The following PRMT2 variants were observed in gnomAD, a reference collection of about 807,000 sequenced individuals.
PRMT2 encodes protein arginine methyltransferase 2, also known as protein arginine N-methyltransferase 2.
PRMT2 carries 26 observed loss-of-function variants against 57.6 expected under a neutral mutation model. The observed-to-expected ratio is 0.45, with a 90% CI of 0.33 to 0.63. The LOEUF (loss-of-function observed/expected upper bound fraction) is 0.63. Among genes scored for constraint, PRMT2 ranks in the 20% least tolerant of loss-of-function variants. PRMT2 has a pLI of 0.02. For missense variants in PRMT2, 472 were observed against 564.4 expected (o/e 0.84, Z 1.66); for synonymous variants, 219 against 220.0 (o/e 1.00, Z 0.04).
In PRMT2 at chr21:46,661,831, G is replaced by T. The variant is rs2061628859; in HGVS notation, c.992G>T (p.Arg331Met). The T allele has an allele frequency of 6.7e-6, 10 of 1,493,602 alleles. No homozygotes were observed. Among genetic ancestry groups the T allele is most frequent in the Non-Finnish European group, 9.0e-6 (10 of 1,115,070 alleles). The allele number at this position is 1,493,602 out of a possible 1,614,324, so 92.5% of individuals were successfully genotyped here. A position where few individuals can be genotyped will look rare whatever the true frequency, so the allele number is the denominator to read the frequency against. The change falls in exon 10 of 12, where the codon AGG becomes ATG. Residue 331 changes from arginine to methionine, a missense_variant. Transcript: ENST00000355680. ...TLRGELRFDI[R>M]KAGTLHGFTA... ...AGGGGCGAGCTGCGCTTCGACATCA[G>T]GAAGGCGGGGACCCTGCACGGCTTC...
At chr21:46,660,809 A>G in intron 8 of PRMT2, 24 bp from the exon 9 acceptor site, 1 of 1,612,378 alleles carries the variant, frequency 6.2e-7, no homozygotes, top group Non-Finnish European at 8.5e-7. Context: ...GACTCTCAAC[A>G]GTCGCTTTGA....
At chr21:46,641,600 G>A (rs1307894322) in intron 3 of PRMT2, among the ~76,000 whole-genome samples, 2 of 152,172 alleles carry the variant, frequency 1.3e-5, no homozygotes, top group Non-Finnish European at 2.9e-5. Flanking sequence ...GCTGAGGCAT[G>A]CGAATTGCTT....
Position 46,648,941 on chromosome 21 carries a change from C to T in PRMT2, c.489+322C>T, listed in dbSNP as rs911381688. Among the ~76,000 whole-genome samples, 8 of 152,302 alleles carry T rather than the reference C, an allele frequency of 5.3e-5. No homozygotes were observed. In the East Asian group the frequency reaches 5.8e-4, roughly 11 times the overall value. Reference sequence around the variant, plus strand: ...TTTATTTCAGTTGAGTAGAGAAACACGTGCACCCACATGTCTGTGCTGGGC... The same window carrying T: ...TTTATTTCAGTTGAGTAGAGAAACATGTGCACCCACATGTCTGTGCTGGGC... On this transcript the variant is annotated intron_variant, in intron 6 of 11. Coordinates refer to ENST00000355680, the MANE Select transcript of PRMT2 (RefSeq NM_206962.4). The surrounding 1 kb of genome is among the most constrained non-coding windows in gnomAD (Gnocchi z 4.8).
chr21:46,662,970 G>A (rs115135857), intron 10 of PRMT2, among the ~76,000 whole-genome samples: 1,801 of 152,210 alleles, frequency 0.012, 20 homozygotes, highest in African/African-American at 0.041. Context: ...TTGCACAGCC[G>A]TCCTCCTGGC....
intron 10 of PRMT2, 42 bp from the exon 11 acceptor site, chr21:46,663,341 C>T (rs2061658866): frequency 3.8e-6 from 6 of 1,575,496 alleles, no homozygotes; most frequent in Non-Finnish European, 5.2e-6. Context: ...GTGGAGACTG[C>T]CCTAGCTCAG....
chr21:46,648,775 G>A lies in PRMT2; in HGVS notation c.489+156G>A, dbSNP rs746718548. 1.3e-5 allele frequency among the ~76,000 whole-genome samples: 2 copies of A among 152,172 alleles called. No individual in the cohort carries two copies. The highest frequency in any genetic ancestry group is 2.9e-5 in the Non-Finnish European group (2 of 68,030). On this transcript the variant is annotated intron_variant, in intron 6 of 11. Coordinates refer to ENST00000355680, the MANE Select transcript of PRMT2 (RefSeq NM_206962.4). The surrounding 1 kb of genome is among the most constrained non-coding windows in gnomAD (Gnocchi z 4.8). ...CACCCTGCACGTGGGGCTCAGGGTC[G>A]GTAAAATAGCAGTGCGTGGAGACCG...
intron 8 of PRMT2, 117 bp from the exon 9 acceptor site, chr21:46,660,715 GT>G: frequency 7.5e-7 from 1 of 1,335,810 alleles, no homozygotes; most frequent in Non-Finnish European, 1.0e-6. Context: ...GCCCCAGATA[GT>G]GGCTTAGCAT....
In PRMT2 at chr21:46,661,579, A is replaced by G. The variant is rs1005159049; in HGVS notation, c.961-221A>G. The G allele has an allele frequency of 3.2e-5, 12 of 370,374 alleles. No individual in the cohort carries two copies. The South Asian group carries it at 8.5e-4, about 26-fold the overall frequency. 22.9% of individuals were successfully genotyped at this position (370,374 alleles called of 1,614,324 possible). A position where few individuals can be genotyped will look rare whatever the true frequency, so the allele number is the denominator to read the frequency against. ...GAAAAGATTCCGCAGAATCTGGGGT[A>G]GAAAATTGGGCGCAAGAAGCTCAGA... On this transcript the variant is annotated intron_variant, in intron 9 of 11. Coordinates refer to ENST00000355680, the MANE Select transcript of PRMT2 (RefSeq NM_206962.4).
intron 8 of PRMT2, chr21:46,659,994 T>C (rs1485966684): frequency 1.0e-6 from 1 of 983,596 alleles, no homozygotes; most frequent in Non-Finnish European, 1.2e-6. Context: ...AAAATAAGTA[T>C]ATCACAATGC....
intron 3 of PRMT2, among the ~76,000 whole-genome samples, chr21:46,637,836 T>C (rs2061202586): frequency 6.6e-6 from 1 of 152,148 alleles, no homozygotes; most frequent in African/African-American, 2.4e-5. Flanking sequence ...GTGTCTGTAG[T>C]TCAGCTACTC....
At chr21:46,644,026 T>C (rs2148970805) in intron 4 of PRMT2, among the ~76,000 whole-genome samples, 1 of 152,364 alleles carries the variant, frequency 6.6e-6, no homozygotes, top group East Asian at 1.9e-4. Flanking sequence ...TGAGTTACAA[T>C]GAAGAGGCTG....
chr21:46,662,659 G>T (rs1179696024), intron 10 of PRMT2, among the ~76,000 whole-genome samples: 1 of 152,144 alleles, frequency 6.6e-6, no homozygotes, highest in African/African-American at 2.4e-5. Context: ...GGGGTGAGGG[G>T]TGTGACCAGA....
At chr21:46,642,246 T>G (rs1465901195) in intron 3 of PRMT2, among the ~76,000 whole-genome samples, 2 of 152,210 alleles carry the variant, frequency 1.3e-5, no homozygotes, top group Non-Finnish European at 1.5e-5. Context: ...TTGAAAGAAG[T>G]TCATCTTAAC....
Position 46,663,563 on chromosome 21 carries a change from C to T in PRMT2, c.1269+9C>T, listed in dbSNP as rs758539003. ...ACCCCACATCTCAAAAAGTAAGATA[C>T]GTAGTTGTAAGATTCTGTCCTGTGG... On this transcript the variant is annotated intron_variant, in intron 11 of 11. Coordinates refer to ENST00000355680, the MANE Select transcript of PRMT2 (RefSeq NM_206962.4). The T allele has an allele frequency of 5.6e-6, 9 of 1,612,154 alleles. No individual in the cohort carries two copies. The highest frequency in any genetic ancestry group is 5.0e-5 in the Admixed American group (3 of 59,938).
At chr21:46,644,150 G>T (rs1334872919) in intron 4 of PRMT2, among the ~76,000 whole-genome samples, 156 bp from the exon 5 acceptor site, 1 of 152,156 alleles carries the variant, frequency 6.6e-6, no homozygotes, top group Non-Finnish European at 1.5e-5. Context: ...CTAAGTCATG[G>T]TGTCACTTGC....
Position 46,664,351 on chromosome 21 carries a change from C to A in PRMT2, c.*24C>A. Reference sequence around the variant, plus strand: ...GACAGTTGATGCTTTATTTGGAAAGCAGTGTGCATATCTTGAGGGGTGATG... The same window carrying A: ...GACAGTTGATGCTTTATTTGGAAAGAAGTGTGCATATCTTGAGGGGTGATG... On this transcript the variant is annotated 3_prime_UTR_variant, in exon 12 of 12. Coordinates refer to ENST00000355680, the MANE Select transcript of PRMT2 (RefSeq NM_206962.4). 6.2e-7 allele frequency: 1 copy of A among 1,614,092 alleles called. No homozygotes were observed. Among genetic ancestry groups the A allele is most frequent in the South Asian group, 1.1e-5 (1 of 91,086 alleles).
At chr21:46,636,859 A>C in intron 2 of PRMT2, 37 bp from the exon 3 acceptor site, 1 of 1,290,384 alleles carries the variant, frequency 7.7e-7, no homozygotes, top group South Asian at 1.3e-5. Context: ...AAGCAATGTA[A>C]CAAGTACTTT....
At chr21:46,651,926 C>T (rs371358050) in intron 7 of PRMT2, 703 of 1,613,146 alleles carry the variant, frequency 4.4e-4, no homozygotes, top group Non-Finnish European at 5.7e-4. Context: ...TCTTCATGTC[C>T]TCCTTGCCTG....
intron 7 of PRMT2, chr21:46,653,649 G>A: frequency 1.6e-6 from 2 of 1,234,306 alleles, no homozygotes; most frequent in Non-Finnish European, 2.1e-6. Context: ...TTTCTTTTTG[G>A]TTGCATTCCC....
Sources: allele counts gnomAD v4.1 joint callset (sites outside exome capture counted in the v4.1 genomes callset), GRCh38; gene constraint gnomAD v4.1.1; non-coding constraint Gnocchi (gnomAD v3.1); transcripts MANE v1.5; gene names NCBI Gene and HGNC (gene_info 2026-07-23, HGNC 2026-07-21).